The following NOL4 variants were observed in gnomAD, a reference collection of about 807,000 sequenced individuals.
The protein encoded by NOL4 is nucleolar protein 4.
A neutral mutation model predicts 75.9 loss-of-function variants in NOL4; 17 were observed. That is an observed-to-expected ratio of 0.22 (90% CI 0.15 to 0.34). NOL4 has a LOEUF of 0.34. Ranked by LOEUF, NOL4 falls within the 10% of genes least tolerant of loss-of-function variation. NOL4 has a pLI of 1.00. For synonymous variants in NOL4, 292 were observed against 289.9 expected, an observed-to-expected ratio of 1.01 and a Z score of -0.07; for missense variants, 614 against 793.5, an observed-to-expected ratio of 0.77 and a Z score of 2.72.
intron 6 of NOL4, among the ~76,000 whole-genome samples, chr18:33,975,152 C>T (rs2071389635): frequency 6.6e-6 from 1 of 152,116 alleles, no homozygotes; most frequent in Non-Finnish European, 1.5e-5. Context: ...ATGATAGTTA[C>T]CAGTGGCTGG....
rs144974030 is a variant in NOL4 at position 33,898,277 on chromosome 18, T to G, written c.1543-14853A>C. Among the ~76,000 whole-genome samples the G allele has an allele frequency of 5.6e-4, 86 of 152,312 alleles. 1 individual carries two copies. The highest frequency in any genetic ancestry group is 9.4e-4 in the Non-Finnish European group (64 of 68,020). ...GACACAACATTCTCTTTTGGTAAAA[T>G]AGTTGCATTGCTTTAGCTGGTGATC... On this transcript the variant is annotated intron_variant, in intron 9 of 10. Coordinates refer to ENST00000261592, the MANE Select transcript of NOL4 (RefSeq NM_003787.5).
intron 5 of NOL4, among the ~76,000 whole-genome samples, chr18:34,047,164 A>C (rs2076416876): frequency 6.6e-6 from 1 of 151,670 alleles, no homozygotes; most frequent in African/African-American, 2.4e-5. Context: ...TCTAGCATTA[A>C]GTTTCAGGGA....
At chr18:34,164,130 T>TA (rs1368794095) in intron 1 of NOL4, among the ~76,000 whole-genome samples, 2 of 152,090 alleles carry the variant, frequency 1.3e-5, no homozygotes, top group Admixed American at 1.3e-4. Context: ...CCTAAAACCA[T>TA]AAAAACCCTA....
intron 5 of NOL4, among the ~76,000 whole-genome samples, chr18:34,030,077 T>C (rs1468580843): frequency 4.6e-5 from 7 of 152,220 alleles, no homozygotes; most frequent in African/African-American, 7.2e-5. Flanking sequence ...TCTTCATTTA[T>C]ATAATGAGTC....
chr18:34,223,146 G>T lies in NOL4; in HGVS notation c.108C>A (p.Ile36=), dbSNP rs1382802235. ...KTVTRKKYER[I]VQLLNGSESS... ...ACTCGGAGCCATTGAGGAGCTGGAC[G>T]ATCCGTTCGTATTTTTTACGGGTCA... The change falls in exon 1 of 11, where the codon ATC becomes ATA. Residue 36 remains isoleucine, a synonymous_variant. Coordinates refer to ENST00000261592, the MANE Select transcript of NOL4 (RefSeq NM_003787.5). 5.0e-6 allele frequency: 8 copies of T among 1,614,062 alleles called. No homozygotes were observed. The African/African-American group carries it at 9.3e-5, about 19-fold the overall frequency.
At chr18:33,949,273 G>A (rs1372143842) in intron 8 of NOL4, among the ~76,000 whole-genome samples, 1 of 152,046 alleles carries the variant, frequency 6.6e-6, no homozygotes, top group African/African-American at 2.4e-5. Context: ...ACATGGTTTT[G>A]ATGGAAGTCA....
At position 34,030,048 on chromosome 18, in the gene NOL4, C is replaced by T. The variant is rs552310598; in HGVS notation, c.773-10447G>A. ...TGTACTATAATTCAGTGATTCTGTG[C>T]TTCAGAAAATAAACTGTTTCTTCAT... On this transcript the variant is annotated intron_variant, in intron 5 of 10. Transcript: ENST00000261592. Among the ~76,000 whole-genome samples, 3 of 152,228 alleles carry T rather than the reference C, an allele frequency of 2.0e-5. No homozygotes were observed. In the East Asian group the frequency reaches 5.8e-4, roughly 29 times the overall value.
At chr18:34,010,202 C>T (rs1014381745) in intron 6 of NOL4, among the ~76,000 whole-genome samples, 2 of 151,904 alleles carry the variant, frequency 1.3e-5, no homozygotes, top group African/African-American at 4.8e-5. Context: ...ACTATATCTC[C>T]ATGATTTCAA....
intron 5 of NOL4, among the ~76,000 whole-genome samples, chr18:34,021,938 T>C (rs900552640): frequency 1.3e-5 from 2 of 151,854 alleles, no homozygotes; most frequent in African/African-American, 4.8e-5. Context: ...CCCCCGTCTC[T>C]ACTTAAAATA....
At chr18:33,985,649 C>A (rs2072378215) in intron 6 of NOL4, among the ~76,000 whole-genome samples, 1 of 152,108 alleles carries the variant, frequency 6.6e-6, no homozygotes, top group African/African-American at 2.4e-5. Flanking sequence ...TCTATTATAG[C>A]AAAACCCACT....
intron 1 of NOL4, chr18:34,222,184 C>A (rs2037364240): frequency 1.4e-6 from 2 of 1,470,704 alleles, no homozygotes; most frequent in Admixed American, 2.4e-5. Flanking sequence ...GCCAGTGCCT[C>A]GCGGCGCCTG....
intron 5 of NOL4, among the ~76,000 whole-genome samples, chr18:34,055,698 A>ATC (rs1220385564): frequency 6.6e-6 from 1 of 151,864 alleles, no homozygotes; most frequent in South Asian, 2.1e-4. Context: ...CTGCCCCTTT[A>ATC]TCTCTCTCTC....
intron 10 of NOL4, among the ~76,000 whole-genome samples, chr18:33,882,509 C>T (rs1393051843): frequency 3.9e-5 from 6 of 151,922 alleles, no homozygotes; most frequent in African/African-American, 9.7e-5. Flanking sequence ...CAATGAGATA[C>T]CATCTCACAC....
intron 5 of NOL4, among the ~76,000 whole-genome samples, chr18:34,093,185 A>G (rs1415303654): frequency 6.6e-6 from 1 of 152,218 alleles, no homozygotes; most frequent in Non-Finnish European, 1.5e-5. Flanking sequence ...CTGTATTGAT[A>G]TAACACATAT....
chr18:33,954,179 T>G (rs2069467858), intron 8 of NOL4, among the ~76,000 whole-genome samples: 1 of 152,180 alleles, frequency 6.6e-6, no homozygotes, highest in Non-Finnish European at 1.5e-5. Flanking sequence ...CTTATAAATC[T>G]TAATACAATG....
At chr18:34,167,190 G>A (rs181748610) in intron 1 of NOL4, among the ~76,000 whole-genome samples, 293 of 151,528 alleles carry the variant, frequency 1.9e-3, no homozygotes, top group African/African-American at 6.6e-3. Context: ...ATGTGCATAG[G>A]TTATATGCAA....
chr18:34,017,868 G>A (rs1428880513), intron 6 of NOL4, among the ~76,000 whole-genome samples: 9 of 152,156 alleles, frequency 5.9e-5, no homozygotes, highest in African/African-American at 2.2e-4. Context: ...TGCATCAGGG[G>A]TATCTTCTTC....
chr18:33,957,033 G>A (rs1253896294), intron 8 of NOL4, among the ~76,000 whole-genome samples: 1 of 152,054 alleles, frequency 6.6e-6, no homozygotes, highest in Non-Finnish European at 1.5e-5. Context: ...TGAACGAGAT[G>A]CTGGTTCTCA....
intron 1 of NOL4, among the ~76,000 whole-genome samples, chr18:34,209,187 C>CT (rs2146544131): frequency 7.7e-6 from 1 of 129,080 alleles, no homozygotes; most frequent in East Asian, 2.2e-4. Flanking sequence ...GAGTGAGACT[C>CT]TGTCTCCAAA....
Sources: gnomAD v4.1 joint callset for allele counts (sites outside exome capture counted in the v4.1 genomes callset) on GRCh38, gnomAD v4.1.1 for gene constraint, MANE v1.5 for transcripts, NCBI Gene and HGNC (gene_info 2026-07-23, HGNC 2026-07-21) for gene names.